The following SORT1 variants were observed in gnomAD, a reference collection of about 807,000 sequenced individuals.
SORT1 encodes sortilin 1.
SORT1 carries 39 observed loss-of-function variants against 101.7 expected under a neutral mutation model. The observed-to-expected ratio is 0.38, with a 90% CI of 0.30 to 0.50. The LOEUF (loss-of-function observed/expected upper bound fraction) is 0.50. Among genes scored for constraint, SORT1 ranks in the 20% least tolerant of loss-of-function variants. The probability of loss-of-function intolerance (pLI) is 0.90; values close to 1 mark genes in which losing one functional copy is unlikely to be tolerated. For missense variants in SORT1, 878 were observed against 1,040.4 expected (o/e 0.84, Z 2.15); for synonymous variants, 396 against 393.7 (o/e 1.01, Z -0.07).
chr1:109,388,219 C>CA (rs967435846), intron 1 of SORT1, among the ~76,000 whole-genome samples: 1 of 151,758 alleles, frequency 6.6e-6, no homozygotes, highest in African/African-American at 2.4e-5. Context: ...AGATGTGCAC[C>CA]ACTACCTACC....
intron 1 of SORT1, 137 bp downstream of exon 1, chr1:109,397,450 T>G: frequency 5.9e-5 from 29 of 488,336 alleles, no homozygotes; most frequent in Non-Finnish European, 7.3e-5. Flanking sequence ...CCCGCCGCAG[T>G]TTCGGGGCTG....
At chr1:109,320,816 G>T (rs1647576811) in intron 15 of SORT1, among the ~76,000 whole-genome samples, 3 of 152,124 alleles carry the variant, frequency 2.0e-5, no homozygotes, top group African/African-American at 4.8e-5. Flanking sequence ...AGGTTTTCCT[G>T]GTAAGTATTT....
Position 109,317,932 on chromosome 1 carries a change from ACTTGGAGTCATTTT to A in SORT1, c.2048_2061del (p.Glu683ValfsTer130). ...CCCTTCAGTTCTGGCTGTTCCACAC[ACTTGGAGTCATTTT>A]CTGGACGGTAGTAGCCAAAATCACT... On this transcript the variant is annotated frameshift_variant, in exon 16 of 20. Transcript: ENST00000256637. LOFTEE classifies it high-confidence loss of function. The A allele has an allele frequency of 6.2e-7, 1 of 1,614,124 alleles. No homozygotes were observed. Among genetic ancestry groups the A allele is most frequent in the Non-Finnish European group, 8.5e-7 (1 of 1,179,962 alleles).
At chr1:109,376,330 CAAAAAAA>C (rs35117356) in intron 1 of SORT1, among the ~76,000 whole-genome samples, 19 of 93,776 alleles carry the variant, frequency 2.0e-4, no homozygotes, top group Non-Finnish European at 2.6e-4. Flanking sequence ...GACTCCATCT[CAAAAAAA>C]AAAAAAAAAA....
chr1:109,351,535 C>T (rs945198409), intron 5 of SORT1, among the ~76,000 whole-genome samples: 1 of 152,192 alleles, frequency 6.6e-6, no homozygotes, highest in African/African-American at 2.4e-5. Flanking sequence ...AGGTCATAAA[C>T]CCTGCAGTGT....
chr1:109,393,209 C>T, intron 1 of SORT1: 3 of 985,420 alleles, frequency 3.0e-6, no homozygotes, highest in Non-Finnish European at 3.6e-6. Context: ...ACAACACGGC[C>T]TCTCTACAGG....
At chr1:109,379,428 C>T (rs1033124806) in intron 1 of SORT1, among the ~76,000 whole-genome samples, 1 of 152,212 alleles carries the variant, frequency 6.6e-6, no homozygotes, top group African/African-American at 2.4e-5. Context: ...GGACAAGCTT[C>T]ATTTGGCACA....
At position 109,397,746 on chromosome 1, in the gene SORT1, G is replaced by A. The variant is rs1036691277; in HGVS notation, c.147C>T (p.Arg49=). The A allele has an allele frequency of 1.3e-5, 15 of 1,197,508 alleles. No individual in the cohort carries two copies. In the Admixed American group the frequency reaches 5.5e-4, roughly 44 times the overall value. 74.2% of individuals were successfully genotyped at this position (1,197,508 alleles called of 1,614,324 possible). Residue 49 remains arginine, a synonymous_variant, in exon 1 of 20, where the codon CGC becomes CGT. Coordinates refer to ENST00000256637, the MANE Select transcript of SORT1 (RefSeq NM_002959.7). ...AGCTCACCCCGATGGGGCCAGACCA[G>A]CGCGGCAGCGGCGCAGCGGGCGGCG... ...APPPPAAPLP[R]WSGPIGVSWG...
Position 109,341,940 on chromosome 1 carries a change from G to A in SORT1, c.1108+74C>T, listed in dbSNP as rs535659375. 2.4e-5 allele frequency: 34 copies of A among 1,407,690 alleles called. No individual in the cohort carries two copies. In the African/African-American group the frequency reaches 4.4e-4, roughly 18 times the overall value. 87.2% of individuals were successfully genotyped at this position (1,407,690 alleles called of 1,614,324 possible). A position where few individuals can be genotyped will look rare whatever the true frequency, so the allele number is the denominator to read the frequency against. ...ATTTCTAGGGGTAAGAGGAAAACTC[G>A]ACATGTAAAAATAAAAGCTGCTCAA... On this transcript the variant is annotated intron_variant, in intron 9 of 19. Transcript: ENST00000256637.
In SORT1 at chr1:109,324,957, G is replaced by A. The variant is rs758370272; in HGVS notation, c.1776C>T (p.Phe592=). Residue 592 remains phenylalanine (F), a synonymous_variant, in exon 14 of 20, where the codon TTC becomes TTT. Transcript: ENST00000256637. The part of the protein sequence containing the change: ...NISIWGFTES[F]LTSQWVSYTI... ...TGTAGGAGACCCACTGGCTGGTCAGGAAAGATTCTGTGAAGCCCCAAATGC... is the reference window on the plus strand; with the variant it reads ...TGTAGGAGACCCACTGGCTGGTCAGAAAAGATTCTGTGAAGCCCCAAATGC... The A allele has an allele frequency of 3.1e-6, 5 of 1,613,696 alleles. No individual in the cohort carries two copies. Among genetic ancestry groups the A allele is most frequent in the Admixed American group, 1.7e-5 (1 of 59,992 alleles).
At chr1:109,335,503 CA>C (rs1249819880) in intron 11 of SORT1, among the ~76,000 whole-genome samples, 2 of 152,074 alleles carry the variant, frequency 1.3e-5, no homozygotes, top group African/African-American at 4.8e-5. Flanking sequence ...GCTCTTAAAA[CA>C]AAACAGAAAA....
At chr1:109,373,974 C>A (rs140746360) in intron 1 of SORT1, among the ~76,000 whole-genome samples, 1 of 152,092 alleles carries the variant, frequency 6.6e-6, no homozygotes, top group Admixed American at 6.5e-5. Flanking sequence ...TTGTAGCCCT[C>A]GCTACTTGGG....
intron 17 of SORT1, 134 bp downstream of exon 17, chr1:109,316,706 CAGCTTCCTGT>C: frequency 5.2e-6 from 3 of 574,606 alleles, no homozygotes; most frequent in Non-Finnish European, 9.3e-6. Flanking sequence ...TTCATGCTAA[CAGCTTCCTGT>C]ATAAGGGAAG....
Position 109,336,246 on chromosome 1 carries a change from C to T in SORT1, c.1365G>A (p.Lys455=), listed in dbSNP as rs757119683. Residue 455 remains lysine (K), a synonymous_variant, in exon 11 of 20, where the codon AAG becomes AAA. Coordinates refer to ENST00000256637, the MANE Select transcript of SORT1 (RefSeq NM_002959.7). ...NSECDATAKN[K]NECSLHIHAS... is the part of the protein sequence containing the mutation. ...CACATTAGAGTAAACAAACCTCATT[C>T]TTGTTTTTTGCTGTAGCATCACATT... 3.9e-5 allele frequency: 62 copies of T among 1,604,432 alleles called. 1 individual carries two copies. The South Asian group carries it at 6.2e-4, about 16-fold the overall frequency.
chr1:109,317,324 G>A (rs1191996361), intron 16 of SORT1, among the ~76,000 whole-genome samples: 2 of 152,174 alleles, frequency 1.3e-5, no homozygotes, highest in East Asian at 3.8e-4. Context: ...CCAATATGGT[G>A]GCTACTTAAA....
chr1:109,340,484 T>C (rs1169847290), intron 10 of SORT1, among the ~76,000 whole-genome samples: 1 of 152,048 alleles, frequency 6.6e-6, no homozygotes, highest in Admixed American at 6.6e-5. Context: ...ATAGGGGTGA[T>C]GGTTGTGCAA....
At chr1:109,356,358 C>G (rs1252012815) in intron 3 of SORT1, among the ~76,000 whole-genome samples, 1 of 152,150 alleles carries the variant, frequency 6.6e-6, no homozygotes, top group Admixed American at 6.5e-5. Flanking sequence ...TGTGAACACA[C>G]AGTAAAGACT....
At chr1:109,386,239 G>A (rs1652560932) in intron 1 of SORT1, among the ~76,000 whole-genome samples, 1 of 152,182 alleles carries the variant, frequency 6.6e-6, no homozygotes, top group Admixed American at 6.5e-5. Flanking sequence ...AGCATTGTGG[G>A]AGGCAAAAGT....
At chr1:109,314,458 TCA>T in intron 18 of SORT1, 74 bp from the exon 19 acceptor site, 1 of 1,550,412 alleles carries the variant, frequency 6.4e-7, no homozygotes, top group Non-Finnish European at 8.8e-7. Context: ...GTGGACTTTC[TCA>T]GTTTTATACA....
Sources: allele counts gnomAD v4.1 joint callset (sites outside exome capture counted in the v4.1 genomes callset), GRCh38; gene constraint gnomAD v4.1.1; transcripts MANE v1.5; gene names NCBI Gene and HGNC (gene_info 2026-07-23, HGNC 2026-07-21).